AKT2: variants seen among roughly 807,000 people sequenced by gnomAD.
AKT2 encodes RAC-beta serine/threonine-protein kinase.
Under a neutral mutation model 58.6 loss-of-function variants are expected in AKT2, and 16 were observed. That is an observed-to-expected ratio of 0.27 (90% confidence interval 0.18 to 0.41). AKT2 has a LOEUF of 0.41. Ranked by LOEUF, AKT2 falls within the 10% of genes least tolerant of loss-of-function variation. AKT2 has a pLI of 1.00. For missense variants in AKT2, 438 were observed against 661.0 expected (o/e 0.66, Z 3.70); for synonymous variants, 253 against 254.0 (o/e 1.00, Z 0.04).
chr19:40,233,759 G>A lies in AKT2; in HGVS notation c.*113C>T. On this transcript the variant is annotated 3_prime_UTR_variant, in exon 14 of 14. Transcript: ENST00000392038. The surrounding 1 kb of genome is among the most constrained non-coding windows in gnomAD (Gnocchi z 4.3). Reference sequence around the variant, plus strand: ...GGCCTGAAGAAGAACTGGAAAGGGGGTGAGGAGGTGGGGGTGGGGACACAA... The same window carrying A: ...GGCCTGAAGAAGAACTGGAAAGGGGATGAGGAGGTGGGGGTGGGGACACAA... 1 of 1,019,402 alleles carries A rather than the reference G, an allele frequency of 9.8e-7. No homozygotes were observed. The highest frequency in any genetic ancestry group is 1.5e-6 in the Non-Finnish European group (1 of 663,340). The allele number at this position is 1,019,402 out of a possible 1,614,324, so 63.1% of individuals were successfully genotyped here. A position where few individuals can be genotyped will look rare whatever the true frequency, so the allele number is the denominator to read the frequency against.
intron 4 of AKT2, among the ~76,000 whole-genome samples, chr19:40,248,339 G>A (rs1042903429): frequency 1.3e-5 from 2 of 152,250 alleles, no homozygotes; most frequent in African/African-American, 4.8e-5. Context: ...GCATTTCTGT[G>A]CACCAGGCTT....
In AKT2 at chr19:40,269,804, G is replaced by A. The variant is rs1976589070; in HGVS notation, c.-84-4453C>T. On this transcript the variant is annotated intron_variant, in intron 1 of 13. Coordinates refer to ENST00000392038, the MANE Select transcript of AKT2 (RefSeq NM_001626.6). ...TACAGCAGGGAAGGAGTGAGAGAATGTTATAGAGTGAAAGAAGTCAGCACT... is the reference window on the plus strand; with the variant it reads ...TACAGCAGGGAAGGAGTGAGAGAATATTATAGAGTGAAAGAAGTCAGCACT... Among the ~76,000 whole-genome samples the A allele has an allele frequency of 2.0e-5, 3 of 152,174 alleles. No individual in the cohort carries two copies. The South Asian group carries it at 6.2e-4, about 31-fold the overall frequency.
At chr19:40,240,597 C>T (rs1294733947) in intron 6 of AKT2, among the ~76,000 whole-genome samples, 1 of 152,182 alleles carries the variant, frequency 6.6e-6, no homozygotes, top group East Asian at 1.9e-4. Context: ...TCGGGGTGGG[C>T]CCAGCACTGT....
intron 6 of AKT2, chr19:40,241,625 C>T (rs938393476): frequency 2.1e-5 from 9 of 426,160 alleles, no homozygotes; most frequent in African/African-American, 4.0e-5. Flanking sequence ...GAGCAAAGCC[C>T]GGGACTCCCC....
rs1242498210 is a variant in AKT2 at position 40,244,089 on chromosome 19, T to TAATAATAAA, written c.288-1403_288-1402insTTTATTATT. On this transcript the variant is annotated intron_variant, in intron 4 of 13. Coordinates refer to ENST00000392038, the MANE Select transcript of AKT2 (RefSeq NM_001626.6). The stretch of plus-strand genomic sequence containing the variant: ...ATAATAATAATAATAATAATAATAA[T>TAATAATAAA]AATAAAATAAAGAACAATAAACTAG... 2.1e-5 allele frequency: 3 copies of TAATAATAAA among 141,662 alleles called. No individual in the cohort carries two copies. In the East Asian group the frequency reaches 6.8e-4, roughly 32 times the overall value. The allele number at this position is 141,662 out of a possible 1,614,324, so 8.8% of individuals were successfully genotyped here. A position where few individuals can be genotyped will look rare whatever the true frequency, so the allele number is the denominator to read the frequency against.
At chr19:40,264,802 T>G (rs989400501) in intron 2 of AKT2, among the ~76,000 whole-genome samples, 1 of 151,850 alleles carries the variant, frequency 6.6e-6, no homozygotes, top group Admixed American at 6.6e-5. Context: ...GTCTACTTAT[T>G]TACTGCCTGC....
Position 40,232,822 on chromosome 19 carries a change from T to G in AKT2, c.*1050A>C, listed in dbSNP as rs1345100192. 4.2e-6 allele frequency: 1 copy of G among 235,662 alleles called. No homozygotes were observed. Among genetic ancestry groups the G allele is most frequent in the African/African-American group, 2.2e-5 (1 of 45,432 alleles). 14.6% of individuals were successfully genotyped at this position (235,662 alleles called of 1,614,324 possible). A position where few individuals can be genotyped will look rare whatever the true frequency, so the allele number is the denominator to read the frequency against. ...CAGCACTGACATGGACGTGCACTCA[T>G]GTTCAACCTTAAGGCTGCAGAACGT... On this transcript the variant is annotated 3_prime_UTR_variant, in exon 14 of 14. Transcript: ENST00000392038.
At chr19:40,244,774 T>G (rs1430852422) in intron 4 of AKT2, among the ~76,000 whole-genome samples, 1 of 152,218 alleles carries the variant, frequency 6.6e-6, no homozygotes, top group Non-Finnish European at 1.5e-5. Context: ...CCAGGGCAAG[T>G]GTCACTGCTC....
chr19:40,243,043 G>A (rs1974508812), intron 4 of AKT2: 2 of 317,324 alleles, frequency 6.3e-6, no homozygotes, highest in Non-Finnish European at 6.2e-6. Context: ...TCAGGAGGCT[G>A]AGGCAGGAGA....
In AKT2 at chr19:40,238,374, T is replaced by C. The variant is rs961874668; in HGVS notation, c.709-283A>G. 1.3e-5 allele frequency among the ~76,000 whole-genome samples: 2 copies of C among 152,056 alleles called. No individual in the cohort carries two copies. Among genetic ancestry groups the C allele is most frequent in the African/African-American group, 2.4e-5 (1 of 41,386 alleles). On this transcript the variant is annotated intron_variant, in intron 8 of 13. Coordinates refer to ENST00000392038, the MANE Select transcript of AKT2 (RefSeq NM_001626.6). The surrounding 1 kb of genome is among the most constrained non-coding windows in gnomAD (Gnocchi z 5.1). Reference sequence around the variant, plus strand: ...TGGAGGCAAAAAGAAGCACACGTCATGACCAAGTAACAATAGGCCATGGGC... The same window carrying C: ...TGGAGGCAAAAAGAAGCACACGTCACGACCAAGTAACAATAGGCCATGGGC...
At chr19:40,245,591 C>T (rs1482115136) in intron 4 of AKT2, among the ~76,000 whole-genome samples, 1 of 152,142 alleles carries the variant, frequency 6.6e-6, no homozygotes, top group East Asian at 1.9e-4. Context: ...CACTTGCTAT[C>T]ATCAACTATC....
intron 1 of AKT2, chr19:40,275,512 G>A (rs1284189875): frequency 1.9e-5 from 7 of 364,112 alleles, no homozygotes; most frequent in Non-Finnish European, 3.3e-5. Context: ...GAAAACTGAG[G>A]CCCAGGGAGA....
rs753047002 is a variant in AKT2, at chr19:40,257,067, AG to A, written c.47-14del. The A allele has an allele frequency of 2.5e-6, 4 of 1,613,774 alleles. No homozygotes were observed. Among genetic ancestry groups the A allele is most frequent in the Non-Finnish European group, 3.4e-6 (4 of 1,179,884 alleles). ...TTGATGTATTCACCTGAAATGAGGC[AG>A]GAAGGGAGGGAGAGAGGTTAGGACA... On this transcript the variant is annotated splice_polypyrimidine_tract_variant and intron_variant, in intron 2 of 13. Coordinates refer to ENST00000392038, the MANE Select transcript of AKT2 (RefSeq NM_001626.6).
intron 2 of AKT2, among the ~76,000 whole-genome samples, chr19:40,261,574 C>T (rs1017465746): frequency 1.3e-5 from 2 of 150,058 alleles, no homozygotes; most frequent in African/African-American, 4.9e-5. Flanking sequence ...CTGTCTTGTT[C>T]TCTCTTACCC....
rs576196319 is a variant in AKT2 at position 40,235,064 on chromosome 19, T to C, written c.1347A>G (p.Thr449=). The stretch of plus-strand genomic sequence containing the variant: ...ACTCACAGCGGTCAGGGGGTGTGAT[T>C]GTGATGGACTGGGCGGTAAATTCAT... ...FDDEFTAQSI[T]ITPPDRYDSL... The change falls in exon 13 of 14, where the codon ACA becomes ACG. Residue 449 remains threonine (T), a synonymous_variant. Transcript: ENST00000392038. The surrounding 1 kb of genome is among the most constrained non-coding windows in gnomAD (Gnocchi z 6.3). 1.3e-5 allele frequency: 21 copies of C among 1,613,980 alleles called. No individual in the cohort carries two copies. In the South Asian group the frequency reaches 2.2e-4, roughly 17 times the overall value.
chr19:40,265,102 G>T, intron 2 of AKT2, 120 bp downstream of exon 2: 1 of 1,440,614 alleles, frequency 6.9e-7, no homozygotes, highest in Non-Finnish European at 9.5e-7. Context: ...GTGGGCCTGG[G>T]GCTGCGGAAT....
Position 40,232,723 on chromosome 19 carries a change from C to G in AKT2, c.*1149G>C. On this transcript the variant is annotated 3_prime_UTR_variant, in exon 14 of 14. Transcript: ENST00000392038. ...GGAGGACACGCTGCCCTCACACAAA[C>G]ACACATGCACACACACCCACGTGTG... The G allele has an allele frequency of 4.3e-6, 1 of 233,526 alleles. No homozygotes were observed. Among genetic ancestry groups the G allele is most frequent in the Non-Finnish European group, 8.5e-6 (1 of 118,224 alleles). The allele number at this position is 233,526 out of a possible 1,614,324, so 14.5% of individuals were successfully genotyped here. A position where few individuals can be genotyped will look rare whatever the true frequency, so the allele number is the denominator to read the frequency against.
At chr19:40,246,951 G>A (rs892857665) in intron 4 of AKT2, among the ~76,000 whole-genome samples, 1 of 152,234 alleles carries the variant, frequency 6.6e-6, no homozygotes, top group African/African-American at 2.4e-5. Flanking sequence ...GTGGAAGGGA[G>A]GGTGCCGAAG....
chr19:40,261,756 G>A (rs1212953180), intron 2 of AKT2, among the ~76,000 whole-genome samples: 1 of 152,086 alleles, frequency 6.6e-6, no homozygotes, highest in Non-Finnish European at 1.5e-5. Flanking sequence ...AAAACTGACT[G>A]CTTAATGGGT....
Sources: gnomAD v4.1 joint callset for allele counts (sites outside exome capture counted in the v4.1 genomes callset) on GRCh38, gnomAD v4.1.1 for gene constraint, Gnocchi (gnomAD v3.1) non-coding constraint, MANE v1.5 for transcripts, NCBI Gene and HGNC (gene_info 2026-07-23, HGNC 2026-07-21) for gene names.